RIMS1: variants seen among roughly 807,000 people sequenced by gnomAD.
RIMS1 encodes regulating synaptic membrane exocytosis protein 1.
RIMS1 carries 83 observed loss-of-function variants against 214.1 expected under a neutral mutation model. The observed-to-expected ratio is 0.39, with a 90% CI of 0.32 to 0.47. RIMS1 has a LOEUF of 0.47. RIMS1 is among the 20% of genes least tolerant of loss of function. The probability of loss-of-function intolerance (pLI) is 0.99; values close to 1 mark genes in which losing one functional copy is unlikely to be tolerated. For synonymous variants in RIMS1, 793 were observed against 786.8 expected, an observed-to-expected ratio of 1.01 and a Z score of -0.13; for missense variants, 2,050 against 2,161.8, an observed-to-expected ratio of 0.95 and a Z score of 1.03.
At chr6:71,948,484 T>C (rs1034981375) in intron 1 of RIMS1, among the ~76,000 whole-genome samples, 1 of 152,200 alleles carries the variant, frequency 6.6e-6, no homozygotes. Context: ...CCTTCTTGAA[T>C]GTGAACAGTA....
At chr6:71,977,166 G>T (rs1019323134) in intron 2 of RIMS1, among the ~76,000 whole-genome samples, 3 of 152,056 alleles carry the variant, frequency 2.0e-5, no homozygotes, top group Admixed American at 6.6e-5. Context: ...TCAATGTCTG[G>T]GAAAGACCCT....
chr6:72,350,003 G>A (rs73750478), intron 29 of RIMS1, among the ~76,000 whole-genome samples: 1 of 152,062 alleles, frequency 6.6e-6, no homozygotes, highest in African/African-American at 2.4e-5. Flanking sequence ...GAAAATAGTA[G>A]GAAAAATTTA....
chr6:71,977,075 A>G (rs1020657101), intron 2 of RIMS1, among the ~76,000 whole-genome samples: 1 of 152,160 alleles, frequency 6.6e-6, no homozygotes, highest in Non-Finnish European at 1.5e-5. Flanking sequence ...CAGAAATGTC[A>G]GGGACAACAC....
At chr6:72,065,804 A>G (rs1405431024) in intron 2 of RIMS1, among the ~76,000 whole-genome samples, 1 of 152,168 alleles carries the variant, frequency 6.6e-6, no homozygotes, top group African/African-American at 2.4e-5. Flanking sequence ...CATTCAGGCT[A>G]GCTGAGTCAA....
chr6:72,110,072 G>C (rs1197587589), intron 4 of RIMS1, among the ~76,000 whole-genome samples: 1 of 151,998 alleles, frequency 6.6e-6, no homozygotes, highest in Non-Finnish European at 1.5e-5. Flanking sequence ...TCTCTGTTTT[G>C]GTACCAGTAG....
intron 2 of RIMS1, among the ~76,000 whole-genome samples, chr6:72,069,946 T>C (rs758309587): frequency 7.2e-5 from 11 of 152,230 alleles, no homozygotes; most frequent in Admixed American, 5.9e-4. Context: ...ATATGAATTG[T>C]TGCTCCCAGG....
intron 4 of RIMS1, among the ~76,000 whole-genome samples, chr6:72,170,613 G>T (rs946847385): frequency 2.6e-5 from 4 of 152,058 alleles, no homozygotes; most frequent in African/African-American, 7.3e-5. Context: ...AAAGTGCTGG[G>T]ATGAGCCACT....
intron 4 of RIMS1, among the ~76,000 whole-genome samples, chr6:72,114,189 TGTAA>T (rs374730948): frequency 6.6e-5 from 10 of 152,078 alleles, no homozygotes; most frequent in African/African-American, 1.7e-4. Flanking sequence ...ATGTAGTAAA[TGTAA>T]GTAAGTCAAA....
At chr6:71,992,671 G>A (rs1802213045) in intron 2 of RIMS1, among the ~76,000 whole-genome samples, 1 of 140,216 alleles carries the variant, frequency 7.1e-6, no homozygotes, top group African/African-American at 2.6e-5. Context: ...TTATTTTTTT[G>A]AGGCTCAGTT....
chr6:72,015,039 C>T (rs1812232058), intron 2 of RIMS1, among the ~76,000 whole-genome samples: 1 of 151,994 alleles, frequency 6.6e-6, no homozygotes, highest in Non-Finnish European at 1.5e-5. Context: ...AAGGGTTTTG[C>T]ATTTTGCATT....
chr6:72,352,337 G>A (rs1369214059), intron 29 of RIMS1, among the ~76,000 whole-genome samples: 1 of 152,078 alleles, frequency 6.6e-6, no homozygotes, highest in East Asian at 1.9e-4. Flanking sequence ...TCTAAAACAG[G>A]TACCATTATT....
intron 6 of RIMS1, chr6:72,217,230 G>T (rs1174052859): frequency 6.5e-7 from 1 of 1,536,052 alleles, no homozygotes; most frequent in East Asian, 2.4e-5. Flanking sequence ...TTCATACATT[G>T]CACTCAGGAA....
intron 29 of RIMS1, among the ~76,000 whole-genome samples, chr6:72,385,311 A>G (rs1231245794): frequency 1.3e-5 from 2 of 152,234 alleles, no homozygotes; most frequent in Non-Finnish European, 1.5e-5. Flanking sequence ...AACATATTAC[A>G]TAGATGTAAC....
At chr6:72,316,533 G>A in intron 28 of RIMS1, 2 of 380,014 alleles carry the variant, frequency 5.3e-6, no homozygotes, top group South Asian at 2.2e-5. Context: ...TCCTGGCCTT[G>A]GCTCCCTATC....
At chr6:72,103,163 G>T (rs1469987488) in intron 4 of RIMS1, among the ~76,000 whole-genome samples, 1 of 152,090 alleles carries the variant, frequency 6.6e-6, no homozygotes, top group Non-Finnish European at 1.5e-5. Context: ...CAATTTGGCT[G>T]ATTAGATTTC....
intron 2 of RIMS1, among the ~76,000 whole-genome samples, chr6:71,976,766 A>G (rs946577226): frequency 2.0e-5 from 3 of 152,080 alleles, no homozygotes; most frequent in Non-Finnish European, 2.9e-5. Flanking sequence ...GATAGTTTTT[A>G]TATATGATGT....
intron 22 of RIMS1, among the ~76,000 whole-genome samples, chr6:72,267,539 A>G (rs749117400): frequency 5.3e-5 from 8 of 152,114 alleles, no homozygotes; most frequent in Admixed American, 1.3e-4. Context: ...TATACAAACT[A>G]TTAGATATTT....
chr6:72,266,328 G>T, intron 22 of RIMS1: 4 of 460,706 alleles, frequency 8.7e-6, no homozygotes, highest in South Asian at 2.2e-5. Flanking sequence ...TTTTGTTGCT[G>T]TTCAGTCATT....
intron 2 of RIMS1, among the ~76,000 whole-genome samples, chr6:71,973,446 T>TC (rs1796387740): frequency 6.6e-6 from 1 of 152,128 alleles, no homozygotes; most frequent in Non-Finnish European, 1.5e-5. Flanking sequence ...GGGTGGGTGG[T>TC]CATGGATGTT....
Sources: allele counts gnomAD v4.1 joint callset (sites outside exome capture counted in the v4.1 genomes callset), GRCh38; gene constraint gnomAD v4.1.1; transcripts MANE v1.5; gene names NCBI Gene and HGNC (gene_info 2026-07-23, HGNC 2026-07-21).